The following ATXN7 variants were observed in gnomAD, a reference collection of about 807,000 sequenced individuals.
ATXN7 encodes ataxin 7, also known as ataxin-7.
In ATXN7, 12 loss-of-function variants were observed where a neutral mutation model predicts 70.5. That is an observed-to-expected ratio of 0.17 (90% CI 0.11 to 0.28). The LOEUF is 0.28. ATXN7 is among the 10% of genes least tolerant of loss of function. ATXN7 has a pLI of 1.00. For synonymous variants in ATXN7, 498 were observed against 448.7 expected (o/e 1.11, Z -1.39); for missense variants, 1,256 against 1,131.7 (o/e 1.11, Z -1.58).
intron 5 of ATXN7, among the ~76,000 whole-genome samples, chr3:63,969,199 TGAAG>T (rs756817756): frequency 3.0e-4 from 45 of 152,228 alleles, no homozygotes; most frequent in Non-Finnish European, 4.8e-4. Flanking sequence ...GAATGTATAA[TGAAG>T]GAATCTGTAA....
intron 4 of ATXN7, among the ~76,000 whole-genome samples, chr3:63,931,796 T>TC (rs1164750803): frequency 6.6e-6 from 1 of 152,144 alleles, no homozygotes. Context: ...GTCTCCCTTG[T>TC]CATTTAGGTG....
chr3:63,964,002 G>A (rs530077976), intron 5 of ATXN7, among the ~76,000 whole-genome samples: 1 of 151,180 alleles, frequency 6.6e-6, no homozygotes, highest in South Asian at 2.1e-4. Flanking sequence ...CAAAGGAGTA[G>A]GTGTTGTATT....
At chr3:63,884,693 AG>A (rs1379194260) in intron 1 of ATXN7, among the ~76,000 whole-genome samples, 1 of 151,576 alleles carries the variant, frequency 6.6e-6, no homozygotes, top group Non-Finnish European at 1.5e-5. Flanking sequence ...TCTGTCACCC[AG>A]GCTGGAGTGC....
chr3:63,966,626 G>T (rs2075228251), intron 5 of ATXN7, among the ~76,000 whole-genome samples: 1 of 152,138 alleles, frequency 6.6e-6, no homozygotes, highest in African/African-American at 2.4e-5. Flanking sequence ...TTGTTGACAT[G>T]GGTTGGGATC....
chr3:63,914,524 A>C (rs1704184120), intron 4 of ATXN7, among the ~76,000 whole-genome samples: 1 of 152,224 alleles, frequency 6.6e-6, no homozygotes, highest in Non-Finnish European at 1.5e-5. Flanking sequence ...TTAGTGCTGA[A>C]TTGGCAGCCT....
intron 2 of ATXN7, 54 bp downstream of exon 2, chr3:63,898,551 G>A (rs925331240): frequency 6.6e-6 from 1 of 152,122 alleles, no homozygotes; most frequent in Non-Finnish European, 1.5e-5. Context: ...AATGCTTCCA[G>A]TTATAATAGA....
At chr3:63,904,632 A>G (rs888036906) in intron 2 of ATXN7, 1 of 152,148 alleles carries the variant, frequency 6.6e-6, no homozygotes, top group Non-Finnish European at 1.5e-5. Flanking sequence ...TTGTTTATTC[A>G]TTTGTTGATG....
chr3:63,995,472 C>T, intron 11 of ATXN7, 33 bp from the exon 12 acceptor site: 1 of 1,610,422 alleles, frequency 6.2e-7, no homozygotes, highest in Non-Finnish European at 8.5e-7. Context: ...TGGCTGTGGT[C>T]AGTGTCATTC....
chr3:63,895,361 C>T (rs915782045), intron 1 of ATXN7, among the ~76,000 whole-genome samples: 1 of 152,168 alleles, frequency 6.6e-6, no homozygotes, highest in African/African-American at 2.4e-5. Flanking sequence ...GCCCATGTAG[C>T]ATTGTAGGCT....
intron 8 of ATXN7, among the ~76,000 whole-genome samples, chr3:63,987,786 C>T (rs72876988): frequency 0.017 from 2,630 of 152,184 alleles, 85 homozygotes; most frequent in African/African-American, 0.058. Flanking sequence ...CTCTTAGTTA[C>T]ATACCAGGTG....
chr3:63,912,499 G>T (rs1178126907), intron 2 of ATXN7, 89 bp from the exon 3 acceptor site: 3 of 890,534 alleles, frequency 3.4e-6, no homozygotes, highest in Non-Finnish European at 4.1e-6. Context: ...CCCGGTCCGC[G>T]GGCCGCGCAC....
chr3:63,948,442 G>A (rs79708132), intron 4 of ATXN7, among the ~76,000 whole-genome samples: 2 of 152,134 alleles, frequency 1.3e-5, no homozygotes, highest in East Asian at 1.9e-4. Flanking sequence ...AGTCTGGTAC[G>A]TGAAACTAGA....
chr3:63,984,358 CT>C (rs879428377), intron 8 of ATXN7, among the ~76,000 whole-genome samples: 1 of 151,338 alleles, frequency 6.6e-6, no homozygotes, highest in Non-Finnish European at 1.5e-5. Context: ...AAACAAACTG[CT>C]TTTTTTTTGT....
rs2075826670 is a variant in ATXN7 at position 64,000,934 on chromosome 3, C to A, written c.*1467C>A. On this transcript the variant is annotated 3_prime_UTR_variant, in exon 13 of 13. Coordinates refer to ENST00000674280, the MANE Select transcript of ATXN7 (RefSeq NM_001377405.1). ...CACTACAGGCTCCTGACACGAGTAA[C>A]AGGCACTGTTGCTTAGAAGAACACA... is the stretch of plus-strand genomic sequence containing the variant. 6.6e-6 allele frequency: 1 copy of A among 152,032 alleles called. No homozygotes were observed. The highest frequency in any genetic ancestry group is 2.1e-4 in the South Asian group (1 of 4,826). 9.4% of individuals were successfully genotyped at this position (152,032 alleles called of 1,614,324 possible). A position where few individuals can be genotyped will look rare whatever the true frequency, so the allele number is the denominator to read the frequency against.
At chr3:63,882,123 G>A (rs1702931195) in intron 1 of ATXN7, among the ~76,000 whole-genome samples, 1 of 152,118 alleles carries the variant, frequency 6.6e-6, no homozygotes, top group African/African-American at 2.4e-5. Flanking sequence ...GGATTTTTAT[G>A]TTTAGTTGCA....
At chr3:63,871,573 C>T (rs180999770) in intron 1 of ATXN7, among the ~76,000 whole-genome samples, 1 of 152,150 alleles carries the variant, frequency 6.6e-6, no homozygotes, top group Admixed American at 6.5e-5. Flanking sequence ...ATCTAAATAC[C>T]TATGGATAGG....
At chr3:63,961,543 A>C (rs1448633965) in intron 5 of ATXN7, among the ~76,000 whole-genome samples, 1 of 152,186 alleles carries the variant, frequency 6.6e-6, no homozygotes, top group African/African-American at 2.4e-5. Context: ...CCACAATAAT[A>C]AGGCAGTGAA....
intron 1 of ATXN7, among the ~76,000 whole-genome samples, chr3:63,870,999 C>G (rs964057967): frequency 6.6e-6 from 1 of 152,186 alleles, no homozygotes; most frequent in Non-Finnish European, 1.5e-5. Flanking sequence ...TTCACTCCCT[C>G]TACCTTTCTC....
chr3:63,945,841 A>G (rs929589217), intron 4 of ATXN7, among the ~76,000 whole-genome samples: 1 of 152,204 alleles, frequency 6.6e-6, no homozygotes, highest in African/African-American at 2.4e-5. Flanking sequence ...TAGAGCAACA[A>G]GCCAGGTACA....
Sources: gnomAD v4.1 joint callset for allele counts (sites outside exome capture counted in the v4.1 genomes callset) on GRCh38, gnomAD v4.1.1 for gene constraint, MANE v1.5 for transcripts, NCBI Gene and HGNC (gene_info 2026-07-23, HGNC 2026-07-21) for gene names.